The following EXOC4 variants were observed in gnomAD, a reference collection of about 807,000 sequenced individuals.
EXOC4 encodes SEC8-like 1.
In EXOC4, 71 loss-of-function variants were observed where a neutral mutation model predicts 107.2. The ratio of observed to expected loss-of-function variants is 0.66; its 90% CI spans 0.55 to 0.81. The LOEUF (loss-of-function observed/expected upper bound fraction) is 0.81. Ranked by LOEUF, EXOC4 falls within the 30% of genes least tolerant of loss-of-function variation. EXOC4 has a pLI of 0.00. For missense variants in EXOC4, 1,108 were observed against 1,189.6 expected (o/e 0.93, Z 1.01); for synonymous variants, 456 against 441.2 (o/e 1.03, Z -0.42).
intron 9 of EXOC4, among the ~76,000 whole-genome samples, chr7:133,567,940 T>C (rs868759456): frequency 1.8e-4 from 27 of 152,210 alleles, no homozygotes; most frequent in Admixed American, 2.6e-4. Flanking sequence ...ACATGAGTTA[T>C]GGTGCAGATG....
chr7:133,764,859 G>A (rs1441317307), intron 10 of EXOC4, among the ~76,000 whole-genome samples: 1 of 151,968 alleles, frequency 6.6e-6, no homozygotes, highest in African/African-American at 2.4e-5. Context: ...GGAAGGTGGT[G>A]GGAAGGAGCA....
intron 7 of EXOC4, among the ~76,000 whole-genome samples, chr7:133,390,962 A>C (rs541652066): frequency 1.3e-5 from 2 of 152,298 alleles, no homozygotes; most frequent in South Asian, 4.1e-4. Context: ...CCTTCTTCAC[A>C]GGGGAATTGT....
downstream of EXOC4, among the ~76,000 whole-genome samples, chr7:134,068,867 C>T (rs992370642): frequency 2.6e-5 from 4 of 152,210 alleles, no homozygotes; most frequent in Admixed American, 6.5e-5. Context: ...CCGTGAATTT[C>T]GTAGCACTAA....
intron 8 of EXOC4, among the ~76,000 whole-genome samples, chr7:133,475,883 A>G (rs748504520): frequency 3.9e-5 from 6 of 152,174 alleles, no homozygotes; most frequent in Non-Finnish European, 7.4e-5. Context: ...ATTGGGCCTT[A>G]TGTGGTTACT....
chr7:134,005,369 TG>T (rs968043651), intron 16 of EXOC4, among the ~76,000 whole-genome samples: 13 of 152,160 alleles, frequency 8.5e-5, no homozygotes, highest in African/African-American at 3.1e-4. Flanking sequence ...ATGTGCAGAC[TG>T]GGCCACAAAT....
At chr7:133,997,765 G>T in intron 15 of EXOC4, 132 bp downstream of exon 15, 1 of 1,053,560 alleles carries the variant, frequency 9.5e-7, no homozygotes, top group Non-Finnish European at 1.4e-6. Context: ...TACACTGAAA[G>T]TGATTTTTAG....
At chr7:133,913,064 C>G (rs1356784006) in intron 12 of EXOC4, among the ~76,000 whole-genome samples, 1 of 152,030 alleles carries the variant, frequency 6.6e-6, no homozygotes, top group African/African-American at 2.4e-5. Flanking sequence ...TAGAGGCAAA[C>G]AAGGAGGATG....
intron 10 of EXOC4, among the ~76,000 whole-genome samples, chr7:133,748,860 C>T (rs1398888718): frequency 6.6e-6 from 1 of 152,176 alleles, no homozygotes; most frequent in Non-Finnish European, 1.5e-5. Flanking sequence ...ATGTTATTTG[C>T]ACAGTCTAGC....
chr7:133,445,112 T>C (rs1798189149), intron 7 of EXOC4, among the ~76,000 whole-genome samples: 1 of 152,142 alleles, frequency 6.6e-6, no homozygotes, highest in Non-Finnish European at 1.5e-5. Context: ...GTCATGTACT[T>C]GATGGCTAAA....
rs529912377 is a variant in EXOC4, at chr7:133,477,127, CTGTT to C, written c.1328+1659_1328+1662del. On this transcript the variant is annotated intron_variant, in intron 8 of 17. Transcript: ENST00000253861. ...CCTATTTAACATCTTGTATTAGCGT[CTGTT>C]TGTTAGAATTGATGAACCAGTATTG... Among the ~76,000 whole-genome samples the C allele has an allele frequency of 4.7e-3, 713 of 152,272 alleles. 6 individuals carry two copies. The highest frequency in any genetic ancestry group is 0.016 in the African/African-American group (667 of 41,570).
chr7:133,587,880 T>A (rs757417733), intron 9 of EXOC4, among the ~76,000 whole-genome samples: 2 of 152,224 alleles, frequency 1.3e-5, no homozygotes, highest in South Asian at 2.1e-4. Flanking sequence ...AGAAAAAAAA[T>A]TCACCAAACA....
chr7:133,618,168 C>CT (rs1463580905), intron 9 of EXOC4, among the ~76,000 whole-genome samples: 1 of 151,658 alleles, frequency 6.6e-6, no homozygotes, highest in Non-Finnish European at 1.5e-5. Context: ...CCTTTTATAC[C>CT]TTTTTCTTGC....
chr7:134,035,046 C>CTTTTT (rs146401762), intron 17 of EXOC4, among the ~76,000 whole-genome samples: 4 of 128,844 alleles, frequency 3.1e-5, no homozygotes, highest in African/African-American at 5.7e-5. Flanking sequence ...CTTTTCTTTA[C>CTTTTT]TTTTTTTTTT....
chr7:133,275,600 G>A (rs1464821532), intron 2 of EXOC4, among the ~76,000 whole-genome samples: 5 of 152,070 alleles, frequency 3.3e-5, no homozygotes, highest in Admixed American at 1.3e-4. Flanking sequence ...AATCTTAGTG[G>A]CTGACCTATT....
intron 10 of EXOC4, among the ~76,000 whole-genome samples, chr7:133,797,239 C>A (rs530457484): frequency 8.5e-5 from 13 of 152,200 alleles, no homozygotes; most frequent in Non-Finnish European, 1.8e-4. Flanking sequence ...ACCACAGCCA[C>A]TCTATTAATA....
chr7:133,982,656 C>T (rs1036793041), intron 14 of EXOC4, among the ~76,000 whole-genome samples: 6 of 152,290 alleles, frequency 3.9e-5, no homozygotes, highest in African/African-American at 9.6e-5. Flanking sequence ...GTGTGTCAAA[C>T]GCTGTTCTAA....
In EXOC4 at chr7:133,513,555, G is replaced by C. The variant is rs1046673613; in HGVS notation, c.1417+33417G>C. Among the ~76,000 whole-genome samples, 4 of 152,122 alleles carry C rather than the reference G, an allele frequency of 2.6e-5. No homozygotes were observed. In the South Asian group the frequency reaches 8.3e-4, roughly 32 times the overall value. ...CTAAAGTTTAGGTCTGATTGTCCTT[G>C]ATTTAAATGATCCAGTATCCTGTCT... On this transcript the variant is annotated intron_variant, in intron 9 of 17. Coordinates refer to ENST00000253861, the MANE Select transcript of EXOC4 (RefSeq NM_021807.4).
In EXOC4 at chr7:133,368,131, G is replaced by A. The variant is rs190851129; in HGVS notation, c.1008-6697G>A. 9.2e-5 allele frequency among the ~76,000 whole-genome samples: 14 copies of A among 152,312 alleles called. 1 individual carries two copies. The South Asian group carries it at 2.3e-3, about 25-fold the overall frequency. ...GTTGTAGGAGAGATGTGTTTACAAA[G>A]AACCATAAAATAGGGATTCTGCCTA... is the stretch of plus-strand genomic sequence containing the variant. On this transcript the variant is annotated intron_variant, in intron 6 of 17. Transcript: ENST00000253861.
chr7:133,653,496 C>T (rs1803212234), intron 10 of EXOC4, among the ~76,000 whole-genome samples: 1 of 152,222 alleles, frequency 6.6e-6, no homozygotes, highest in Admixed American at 6.5e-5. Context: ...TGCAGCAGTA[C>T]ATTTATCTCT....
Sources: allele counts gnomAD v4.1 joint callset (sites outside exome capture counted in the v4.1 genomes callset), GRCh38; gene constraint gnomAD v4.1.1; transcripts MANE v1.5; gene names NCBI Gene and HGNC (gene_info 2026-07-23, HGNC 2026-07-21).